Variants in COLEC12 observed in about 807,000 individuals in gnomAD.
COLEC12 encodes collectin subfamily member 12.
COLEC12 carries 33 observed loss-of-function variants against 71.1 expected under a neutral mutation model. The observed-to-expected ratio is 0.46, with a 90% CI of 0.35 to 0.62. The LOEUF (loss-of-function observed/expected upper bound fraction) is 0.62. Among genes scored for constraint, COLEC12 ranks in the 20% least tolerant of loss-of-function variants. COLEC12 has a pLI of 0.00. For missense variants in COLEC12, 765 were observed against 916.1 expected (o/e 0.84, Z 2.13); for synonymous variants, 350 against 353.0 (o/e 0.99, Z 0.10).
chr18:481,903 A>G (rs1293389675), intron 1 of COLEC12, among the ~76,000 whole-genome samples: 3 of 151,850 alleles, frequency 2.0e-5, no homozygotes, highest in African/African-American at 7.3e-5. Context: ...ACTAAAGGAC[A>G]CTTTTTTTTT....
chr18:323,002 A>G (rs931641159), intron 8 of COLEC12, among the ~76,000 whole-genome samples: 1 of 152,194 alleles, frequency 6.6e-6, no homozygotes, highest in Non-Finnish European at 1.5e-5. Context: ...AGGCAGATGG[A>G]TCACCTGAGG....
intron 3 of COLEC12, among the ~76,000 whole-genome samples, chr18:355,945 G>T (rs550298640): frequency 1.1e-3 from 173 of 152,286 alleles, no homozygotes; most frequent in African/African-American, 3.9e-3. Context: ...TTAGATCACA[G>T]TCTAACTCAT....
intron 6 of COLEC12, 196 bp from the exon 7 acceptor site, chr18:333,339 A>G: frequency 2.0e-6 from 1 of 497,996 alleles, no homozygotes; most frequent in Non-Finnish European, 3.5e-6. Flanking sequence ...GCACAAGCCA[A>G]AACCACATAA....
chr18:430,330 T>C (rs1317755478), intron 2 of COLEC12, among the ~76,000 whole-genome samples: 3 of 139,660 alleles, frequency 2.1e-5, no homozygotes, highest in Non-Finnish European at 4.6e-5. Flanking sequence ...AGAGATTCTG[T>C]TTCAAAAAAA....
chr18:368,679 A>G (rs901415629), intron 2 of COLEC12, among the ~76,000 whole-genome samples: 2 of 151,428 alleles, frequency 1.3e-5, no homozygotes, highest in African/African-American at 2.4e-5. Context: ...CCTGGCTAAC[A>G]TGGTGAAACC....
chr18:458,269 A>G (rs1567913843), intron 2 of COLEC12, among the ~76,000 whole-genome samples: 1 of 152,182 alleles, frequency 6.6e-6, no homozygotes, highest in Non-Finnish European at 1.5e-5. Context: ...GGAGCATCTC[A>G]CTAAGGACAT....
chr18:481,565 G>A lies in COLEC12; in HGVS notation c.8-808C>T, dbSNP rs552218953. ...ACTAAAAATACAAAATTAGCCAGAT[G>A]TGGTGGCACGTGCCTGTAATCCCAG... On this transcript the variant is annotated intron_variant, in intron 1 of 9. Transcript: ENST00000400256. Among the ~76,000 whole-genome samples the A allele has an allele frequency of 2.0e-5, 3 of 152,174 alleles. 1 individual carries two copies. The highest frequency in any genetic ancestry group is 4.1e-4 in the South Asian group (2 of 4,820).
intron 2 of COLEC12, among the ~76,000 whole-genome samples, chr18:431,652 G>A (rs1567906115): frequency 6.6e-6 from 1 of 152,190 alleles, no homozygotes; most frequent in Non-Finnish European, 1.5e-5. Context: ...TTGAAGTCCT[G>A]TTACACAGCT....
intron 2 of COLEC12, among the ~76,000 whole-genome samples, chr18:457,192 C>T (rs960450488): frequency 5.9e-5 from 9 of 152,142 alleles, no homozygotes; most frequent in African/African-American, 4.8e-5. Context: ...ACCCTGTGAA[C>T]GAACAGGCCT....
chr18:410,811 G>A (rs537558323), intron 2 of COLEC12, among the ~76,000 whole-genome samples: 1 of 152,016 alleles, frequency 6.6e-6, no homozygotes, highest in African/African-American at 2.4e-5. Context: ...TCCGAAAAAA[G>A]CTCATCTCTT....
chr18:418,496 C>A (rs1014087005), intron 2 of COLEC12, among the ~76,000 whole-genome samples: 4 of 152,170 alleles, frequency 2.6e-5, no homozygotes, highest in Non-Finnish European at 5.9e-5. Context: ...TAAAATGAGG[C>A]TGAAACCTAC....
At chr18:377,070 T>C (rs1424474009) in intron 2 of COLEC12, among the ~76,000 whole-genome samples, 1 of 152,208 alleles carries the variant, frequency 6.6e-6, no homozygotes, top group Non-Finnish European at 1.5e-5. Flanking sequence ...GTCATTGCTC[T>C]TGGGGTCCAA....
intron 2 of COLEC12, among the ~76,000 whole-genome samples, chr18:449,836 C>T (rs1916724741): frequency 1.3e-5 from 2 of 152,362 alleles, no homozygotes; most frequent in South Asian, 4.1e-4. Flanking sequence ...CTCAGAGCTG[C>T]ACTGCAGTCT....
At chr18:337,003 C>T (rs1914133304) in intron 5 of COLEC12, among the ~76,000 whole-genome samples, 1 of 151,540 alleles carries the variant, frequency 6.6e-6, no homozygotes, top group South Asian at 2.1e-4. Flanking sequence ...GGACTAGAGG[C>T]TTGTGCCACA....
chr18:335,007 G>A lies in COLEC12; in HGVS notation c.1551C>T (p.Pro517=), dbSNP rs753566897. The change falls in exon 6 of 10, where the codon CCC becomes CCT. Residue 517 remains proline, a synonymous_variant. Coordinates refer to ENST00000400256, the MANE Select transcript of COLEC12 (RefSeq NM_130386.3). ...PKGSRGSPGK[P]GPQGSSGDPG... ...GGTCCCCACTGGAGCCCTGAGGGCC[G>A]GGCTTCCCAGGGGAACCACGGGAGC... The A allele has an allele frequency of 4.7e-5, 74 of 1,583,416 alleles. No individual in the cohort carries two copies. Among genetic ancestry groups the A allele is most frequent in the Middle Eastern group, 1.9e-4 (1 of 5,374 alleles).
chr18:492,025 G>A (rs1917628475), intron 1 of COLEC12, among the ~76,000 whole-genome samples: 1 of 152,134 alleles, frequency 6.6e-6, no homozygotes, highest in Non-Finnish European at 1.5e-5. Context: ...ATTTTGTAGG[G>A]GGGTAATTAG....
intron 2 of COLEC12, among the ~76,000 whole-genome samples, chr18:359,231 A>C (rs754212698): frequency 1.3e-5 from 2 of 152,186 alleles, no homozygotes; most frequent in Non-Finnish European, 2.9e-5. Flanking sequence ...TGGTAGCTTG[A>C]AATCAGCCCT....
At chr18:423,090 G>A (rs1916129666) in intron 2 of COLEC12, among the ~76,000 whole-genome samples, 1 of 145,910 alleles carries the variant, frequency 6.9e-6, no homozygotes, top group African/African-American at 2.5e-5. Flanking sequence ...GGACAACATA[G>A]TGAGACCCCA....
chr18:385,915 G>T (rs1163627865), intron 2 of COLEC12, among the ~76,000 whole-genome samples: 1 of 152,146 alleles, frequency 6.6e-6, no homozygotes, highest in Non-Finnish European at 1.5e-5. Context: ...TGTATCTAGG[G>T]GAGATGTGAT....
Sources: allele counts gnomAD v4.1 joint callset (sites outside exome capture counted in the v4.1 genomes callset), GRCh38; gene constraint gnomAD v4.1.1; transcripts MANE v1.5; gene names NCBI Gene and HGNC (gene_info 2026-07-23, HGNC 2026-07-21).